The following SLC6A19 variants were observed in gnomAD, a reference collection of about 807,000 sequenced individuals.
The protein encoded by SLC6A19 is solute carrier family 6 member 19.
Under a neutral mutation model 68.3 loss-of-function variants are expected in SLC6A19, and 67 were observed. That is an observed-to-expected ratio of 0.98 (90% CI 0.81 to 1.20). The LOEUF (loss-of-function observed/expected upper bound fraction) is 1.20. Ranked by LOEUF, SLC6A19 falls within the 50% of genes most tolerant of loss-of-function variation. The probability of loss-of-function intolerance (pLI) is 0.00; values close to 1 mark genes in which losing one functional copy is unlikely to be tolerated. For missense variants in SLC6A19, 813 were observed against 851.6 expected, an observed-to-expected ratio of 0.95 and a Z score of 0.56; for synonymous variants, 392 against 374.9, an observed-to-expected ratio of 1.05 and a Z score of -0.53.
Position 1,212,377 on chromosome 5 carries a change from T to G in SLC6A19, c.556T>G (p.Ser186Ala). The G allele has an allele frequency of 6.2e-7, 1 of 1,613,450 alleles. No homozygotes were observed. Among genetic ancestry groups the G allele is most frequent in the Non-Finnish European group, 8.5e-7 (1 of 1,179,952 alleles). The stretch of plus-strand genomic sequence containing the variant: ...CCGAGAGACGCTCAACATCTCCACG[T>G]CCATCAGCGACTCGGGCTCCATCCA... ...WYRETLNIST[S>A]ISDSGSIQWW... Residue 186 changes from serine to alanine, a missense_variant, in exon 4 of 12, where the codon TCC (serine) becomes GCC (alanine). Ser to Ala is a moderately conservative substitution (Grantham distance 99). Transcript: ENST00000304460. The surrounding 1 kb of genome is among the most constrained non-coding windows in gnomAD (Gnocchi z 5.1).
At position 1,201,742 on chromosome 5, in the gene SLC6A19, C is replaced by A; in HGVS notation, c.92C>A (p.Ser31Tyr). 6.2e-7 allele frequency: 1 copy of A among 1,612,702 alleles called. No individual in the cohort carries two copies. Among genetic ancestry groups the A allele is most frequent in the Non-Finnish European group, 8.5e-7 (1 of 1,179,908 alleles). The stretch of plus-strand genomic sequence containing the variant: ...ACCATCGAGCAGGAGGAGGCCAGCT[C>A]CCGGCCGAAGTGGGACAACAAGGCG... ...LETIEQEEAS[S>Y]RPKWDNKAQY... Residue 31 changes from serine (S) to tyrosine (Y), a missense_variant, in exon 1 of 12, where the codon TCC becomes TAC. By Grantham distance (144) the Ser-to-Tyr change is moderately radical. Coordinates refer to ENST00000304460, the MANE Select transcript of SLC6A19 (RefSeq NM_001003841.3).
In SLC6A19 at chr5:1,221,229, C is replaced by T. The variant is rs1380453515; in HGVS notation, c.1617C>T (p.Pro539=). The T allele has an allele frequency of 1.1e-5, 18 of 1,614,040 alleles. No individual in the cohort carries two copies. The highest frequency in any genetic ancestry group is 5.0e-5 in the Admixed American group (3 of 60,002). Residue 539 remains proline, a synonymous_variant, in exon 11 of 12, where the codon CCC becomes CCT. Transcript: ENST00000304460. ...FWQVTWRVVS[P]LLMLIIFLFF... is the part of the protein sequence containing the mutation. The stretch of plus-strand genomic sequence containing the variant: ...AAGTCACGTGGCGCGTGGTCAGCCC[C>T]CTGCTCATGCTGATCATCTTCCTCT...
chr5:1,205,004 G>A (rs754464101), intron 1 of SLC6A19, among the ~76,000 whole-genome samples: 1 of 152,180 alleles, frequency 6.6e-6, no homozygotes, highest in African/African-American at 2.4e-5. Flanking sequence ...GGACAGACAG[G>A]AGGAACTGTT....
rs539145415 is a variant in SLC6A19 at position 1,202,699 on chromosome 5, G to A, written c.202+847G>A. Among the ~76,000 whole-genome samples, 21 of 151,370 alleles carry A rather than the reference G, an allele frequency of 1.4e-4. No individual in the cohort carries two copies. The South Asian group carries it at 3.5e-3, about 26-fold the overall frequency. On this transcript the variant is annotated intron_variant, in intron 1 of 11. Transcript: ENST00000304460. ...CCCTGGGGCAGTTCACGGGGGGGCCGTGAAGGTCTCAGCCTCCGTTTAGAG... is the reference window on the plus strand; with the variant it reads ...CCCTGGGGCAGTTCACGGGGGGGCCATGAAGGTCTCAGCCTCCGTTTAGAG...
chr5:1,211,408 G>T (rs1746024888), intron 3 of SLC6A19, among the ~76,000 whole-genome samples: 1 of 152,220 alleles, frequency 6.6e-6, no homozygotes, highest in South Asian at 2.1e-4. Context: ...TGCAGGCAAG[G>T]GCCCCAGCCC....
At chr5:1,217,068 A>G in intron 8 of SLC6A19, 123 bp downstream of exon 8, 2 of 1,470,630 alleles carry the variant, frequency 1.4e-6, no homozygotes, top group Admixed American at 3.6e-5. Flanking sequence ...CGGGAGGCCC[A>G]GCTCCCACTG....
chr5:1,213,027 T>C (rs2126503918), intron 4 of SLC6A19, among the ~76,000 whole-genome samples: 2 of 54,676 alleles, frequency 3.7e-5, no homozygotes, highest in African/African-American at 7.4e-5. Flanking sequence ...CTGCCCCCCA[T>C]CCCCACCCAT....
chr5:1,203,293 G>A (rs1386104055), intron 1 of SLC6A19, among the ~76,000 whole-genome samples: 1 of 152,200 alleles, frequency 6.6e-6, no homozygotes, highest in Non-Finnish European at 1.5e-5. Context: ...ACCTCAGATA[G>A]TCCCCGCTCT....
At position 1,222,954 on chromosome 5, in the gene SLC6A19, C is replaced by G. The variant is rs1177263708; in HGVS notation, c.*1050C>G. ...AGGAGACAAAAGCACAGGGTACTAT[C>G]TTGGCTCCTGGGAGCGACTCTTGCT... is the stretch of plus-strand genomic sequence containing the variant. On this transcript the variant is annotated 3_prime_UTR_variant, in exon 12 of 12. Coordinates refer to ENST00000304460, the MANE Select transcript of SLC6A19 (RefSeq NM_001003841.3). The G allele has an allele frequency of 6.6e-6, 1 of 152,276 alleles. No homozygotes were observed. The highest frequency in any genetic ancestry group is 2.4e-5 in the African/African-American group (1 of 41,448). The allele number at this position is 152,276 out of a possible 1,614,324, so 9.4% of individuals were successfully genotyped here.
intron 5 of SLC6A19, among the ~76,000 whole-genome samples, 180 bp from the exon 6 acceptor site, chr5:1,213,773 T>G (rs1407817279): frequency 1.3e-5 from 2 of 151,974 alleles, no homozygotes; most frequent in Non-Finnish European, 2.9e-5. Context: ...GAGGGTGGCT[T>G]TGCCCCTGTG....
chr5:1,218,951 A>G lies in SLC6A19; in HGVS notation c.1222A>G (p.Thr408Ala). The G allele has an allele frequency of 6.2e-7, 1 of 1,613,992 alleles. No individual in the cohort carries two copies. Among genetic ancestry groups the G allele is most frequent in the Non-Finnish European group, 8.5e-7 (1 of 1,179,992 alleles). ...LAFIVFTEAI[T>A]KMPLSPLWSV... The stretch of plus-strand genomic sequence containing the variant: ...CTTCATCGTCTTCACCGAGGCCATC[A>G]CCAAGATGCCGTTGTCCCCACTGTG... The change falls in exon 9 of 12, where the codon ACC (threonine) becomes GCC (alanine). Residue 408 changes from threonine (T) to alanine (A), a missense_variant. Coordinates refer to ENST00000304460, the MANE Select transcript of SLC6A19 (RefSeq NM_001003841.3).
At chr5:1,217,186 G>A (rs1355551917) in intron 8 of SLC6A19, among the ~76,000 whole-genome samples, 1 of 152,250 alleles carries the variant, frequency 6.6e-6, no homozygotes, top group Non-Finnish European at 1.5e-5. Context: ...TAGGCTCAGA[G>A]GCAGGAGCCG....
chr5:1,206,618 G>A (rs950483753), intron 1 of SLC6A19, among the ~76,000 whole-genome samples: 2 of 152,202 alleles, frequency 1.3e-5, no homozygotes, highest in African/African-American at 4.8e-5. Context: ...CGTGTGTGGG[G>A]AAGGAGGGTG....
At chr5:1,208,690 G>A in intron 1 of SLC6A19, 56 bp from the exon 2 acceptor site, 1 of 1,610,974 alleles carries the variant, frequency 6.2e-7, no homozygotes, top group Non-Finnish European at 8.5e-7. Flanking sequence ...CCCGAGGGAG[G>A]CCTTCCTGCT....
Position 1,212,777 on chromosome 5 carries a change from C to CGAT in SLC6A19, c.663+307_663+309dup, listed in dbSNP as rs749766198. On this transcript the variant is annotated intron_variant, in intron 4 of 11. Coordinates refer to ENST00000304460, the MANE Select transcript of SLC6A19 (RefSeq NM_001003841.3). The surrounding 1 kb of genome is among the most constrained non-coding windows in gnomAD (Gnocchi z 5.1). ...ATACAAACTACCAGAAAGAGATAGA[C>CGAT]GATGATGATGATGATGGTGATGATG... Among the ~76,000 whole-genome samples, 1 of 151,996 alleles carries CGAT rather than the reference C, an allele frequency of 6.6e-6. No individual in the cohort carries two copies. Among genetic ancestry groups the CGAT allele is most frequent in the Non-Finnish European group, 1.5e-5 (1 of 67,990 alleles).
chr5:1,213,848 C>T (rs1022300162), intron 5 of SLC6A19, 105 bp from the exon 6 acceptor site: 31 of 1,571,584 alleles, frequency 2.0e-5, no homozygotes, highest in African/African-American at 4.0e-5. Context: ...CTGTCCTGAC[C>T]ACCCCAATAG....
Position 1,222,187 on chromosome 5 carries a change from T to TTG in SLC6A19, c.*292_*293dup, listed in dbSNP as rs1222200319. 1.3e-5 allele frequency: 8 copies of TTG among 594,116 alleles called. No individual in the cohort carries two copies. Among genetic ancestry groups the TTG allele is most frequent in the East Asian group, 2.8e-5 (1 of 36,184 alleles). 36.8% of individuals were successfully genotyped at this position (594,116 alleles called of 1,614,324 possible). The stretch of plus-strand genomic sequence containing the variant: ...GTGCCATGTGTGCAGATGTGTCATG[T>TTG]TGTGTGTGTGCATGTACATGTATGG... On this transcript the variant is annotated 3_prime_UTR_variant, in exon 12 of 12. Transcript: ENST00000304460.
chr5:1,216,859 A>G lies in SLC6A19; in HGVS notation c.1087A>G (p.Met363Val), dbSNP rs1248634080. The change falls in exon 8 of 12, where the codon ATG becomes GTG. Residue 363 changes from methionine to valine, a missense_variant. Transcript: ENST00000304460. ...CGTGACCCAGGAGAACTTTGTGGAC[A>G]TGCAGCAGCGGTGCAACGCCTCCGA... Reference protein sequence around the residue: ...GNVTQENFVDMQQRCNASDPA... With the variant: ...GNVTQENFVDVQQRCNASDPA... The G allele has an allele frequency of 1.2e-6, 2 of 1,613,682 alleles. No homozygotes were observed. The highest frequency in any genetic ancestry group is 1.3e-5 in the African/African-American group (1 of 74,960).
Position 1,209,022 on chromosome 5 carries a change from AG to A in SLC6A19, c.343+138del, listed in dbSNP as rs1198220616. On this transcript the variant is annotated intron_variant, in intron 2 of 11. Coordinates refer to ENST00000304460, the MANE Select transcript of SLC6A19 (RefSeq NM_001003841.3). The surrounding 1 kb of genome is among the most constrained non-coding windows in gnomAD (Gnocchi z 5.5). Reference sequence around the variant, plus strand: ...TCCCTGTCTGTTTCTGGTGCAACAAAGGTCCCAGCTTCATCTCCTGGAGGCC... The same window carrying A: ...TCCCTGTCTGTTTCTGGTGCAACAAAGTCCCAGCTTCATCTCCTGGAGGCC... 2.4e-6 allele frequency: 3 copies of A among 1,225,420 alleles called. No individual in the cohort carries two copies. In the Admixed American group the frequency reaches 8.1e-5, roughly 33 times the overall value. 75.9% of individuals were successfully genotyped at this position (1,225,420 alleles called of 1,614,324 possible). A position where few individuals can be genotyped will look rare whatever the true frequency, so the allele number is the denominator to read the frequency against.
Sources: allele counts gnomAD v4.1 joint callset (sites outside exome capture counted in the v4.1 genomes callset), GRCh38; gene constraint gnomAD v4.1.1; non-coding constraint Gnocchi (gnomAD v3.1); transcripts MANE v1.5; gene names NCBI Gene and HGNC (gene_info 2026-07-23, HGNC 2026-07-21).